Variants in VTI1A observed in about 807,000 individuals in gnomAD.
The protein encoded by VTI1A is vesicle transport through interaction with t-SNAREs homolog 1A.
A neutral mutation model predicts 34.9 loss-of-function variants in VTI1A; 22 were observed. That is an observed-to-expected ratio of 0.63 (90% confidence interval 0.45 to 0.90). The LOEUF (loss-of-function observed/expected upper bound fraction) is 0.90. Ranked by LOEUF, VTI1A falls within the 40% of genes least tolerant of loss-of-function variation. The pLI, the probability that VTI1A is intolerant of heterozygous loss-of-function variation, is 0.00. For synonymous variants in VTI1A, 87 were observed against 97.3 expected (o/e 0.89, Z 0.62); for missense variants, 268 against 275.6 (o/e 0.97, Z 0.20).
chr10:112,716,674 G>A (rs1849623568), intron 7 of VTI1A, among the ~76,000 whole-genome samples: 1 of 152,082 alleles, frequency 6.6e-6, no homozygotes, highest in South Asian at 2.1e-4. Flanking sequence ...CAAAATCCAA[G>A]TTTTTGAGCC....
intron 7 of VTI1A, among the ~76,000 whole-genome samples, chr10:112,781,235 G>A (rs1466849614): frequency 1.3e-5 from 2 of 152,090 alleles, no homozygotes; most frequent in East Asian, 2.0e-4. Context: ...ATGAGCCACC[G>A]CGCCCGGCCC....
At chr10:112,705,610 G>C (rs1849168886) in intron 7 of VTI1A, among the ~76,000 whole-genome samples, 1 of 152,190 alleles carries the variant, frequency 6.6e-6, no homozygotes, top group South Asian at 2.1e-4. Context: ...TTTTGCCCAG[G>C]CTCCTCCAGA....
chr10:112,713,461 GA>G (rs1268222304), intron 7 of VTI1A, among the ~76,000 whole-genome samples: 11 of 151,120 alleles, frequency 7.3e-5, no homozygotes, highest in Non-Finnish European at 1.6e-4. Context: ...ACCTATAAGG[GA>G]GGCATTATTA....
chr10:112,583,394 T>C (rs143584909), intron 5 of VTI1A, among the ~76,000 whole-genome samples: 1 of 152,362 alleles, frequency 6.6e-6, no homozygotes, highest in African/African-American at 2.4e-5. Flanking sequence ...ATCCGCTTTA[T>C]CAGGAATGCG....
intron 7 of VTI1A, among the ~76,000 whole-genome samples, chr10:112,813,255 A>G (rs140308286): frequency 6.6e-6 from 1 of 152,328 alleles, no homozygotes; most frequent in Non-Finnish European, 1.5e-5. Flanking sequence ...ATTTCTTACC[A>G]TGCCTCAGAT....
chr10:112,729,912 C>T (rs548401299), intron 7 of VTI1A, among the ~76,000 whole-genome samples: 9 of 152,248 alleles, frequency 5.9e-5, no homozygotes, highest in Non-Finnish European at 1.3e-4. Flanking sequence ...CCTCTTTGTG[C>T]GTAGCAAACC....
At chr10:112,612,495 T>G (rs1845357046) in intron 5 of VTI1A, among the ~76,000 whole-genome samples, 1 of 152,194 alleles carries the variant, frequency 6.6e-6, no homozygotes, top group African/African-American at 2.4e-5. Context: ...CATAACTCAC[T>G]GTAACTTTAA....
At chr10:112,528,155 A>T (rs1850303119) in intron 4 of VTI1A, among the ~76,000 whole-genome samples, 1 of 152,190 alleles carries the variant, frequency 6.6e-6, no homozygotes, top group East Asian at 1.9e-4. Context: ...TGAGTAAACC[A>T]AAATTTTAAT....
rs117804572 is a variant in VTI1A at position 112,538,005 on chromosome 10, G to A, written c.343-241G>A. ...TCAGTATTTTGAAGTAAGATTCATT[G>A]TGGCCACATACAACACGAGTCTCCT... On this transcript the variant is annotated intron_variant, in intron 4 of 7. Coordinates refer to ENST00000393077, the MANE Select transcript of VTI1A (RefSeq NM_145206.4). Among the ~76,000 whole-genome samples, 83 of 152,194 alleles carry A rather than the reference G, an allele frequency of 5.5e-4. 2 individuals carry two copies. In the East Asian group the frequency reaches 0.013, roughly 24 times the overall value.
chr10:112,847,534 T>A, the VTI1A span, among the ~76,000 whole-genome samples: 7 of 152,068 alleles, frequency 4.6e-5, no homozygotes, highest in Non-Finnish European at 1.0e-4. Flanking sequence ...GCAAGGAGGG[T>A]TGCCCTCTGA....
At chr10:112,530,616 A>G (rs1589867131) in intron 4 of VTI1A, among the ~76,000 whole-genome samples, 1 of 152,198 alleles carries the variant, frequency 6.6e-6, no homozygotes, top group African/African-American at 2.4e-5. Flanking sequence ...AAATATAAAG[A>G]GTAGACTATT....
intron 5 of VTI1A, among the ~76,000 whole-genome samples, chr10:112,611,546 T>C (rs1316803506): frequency 6.6e-6 from 1 of 152,144 alleles, no homozygotes; most frequent in African/African-American, 2.4e-5. Context: ...GGGAAGCTTG[T>C]TGAGTTCCTT....
At chr10:112,582,662 T>C (rs1843994807) in intron 5 of VTI1A, among the ~76,000 whole-genome samples, 1 of 152,204 alleles carries the variant, frequency 6.6e-6, no homozygotes, top group African/African-American at 2.4e-5. Flanking sequence ...TTAAATTTGT[T>C]ATGACCTAAC....
the VTI1A span, among the ~76,000 whole-genome samples, chr10:112,846,296 A>G: frequency 6.6e-6 from 1 of 152,206 alleles, no homozygotes; most frequent in Non-Finnish European, 1.5e-5. Context: ...TCTTACAGAA[A>G]TGGATACCTC....
At chr10:112,801,899 C>T (rs978975590) in intron 7 of VTI1A, among the ~76,000 whole-genome samples, 11 of 152,194 alleles carry the variant, frequency 7.2e-5, no homozygotes, top group Non-Finnish European at 1.3e-4. Context: ...TTACATTAGG[C>T]ACTAAGTGAA....
chr10:112,603,028 T>C (rs143205459), intron 5 of VTI1A, among the ~76,000 whole-genome samples: 7 of 152,378 alleles, frequency 4.6e-5, no homozygotes, highest in African/African-American at 1.7e-4. Flanking sequence ...TTGTTGTTAA[T>C]AATACTTTAT....
chr10:112,783,393 G>A (rs959165362), intron 7 of VTI1A, among the ~76,000 whole-genome samples: 3 of 98,360 alleles, frequency 3.1e-5, no homozygotes, highest in Admixed American at 1.1e-4. Context: ...GCATGCCCGC[G>A]TGCACGTGCA....
chr10:112,668,138 A>G (rs912022742), intron 5 of VTI1A, 80 bp from the exon 6 acceptor site: 1 of 1,150,854 alleles, frequency 8.7e-7, no homozygotes, highest in Non-Finnish European at 1.3e-6. Context: ...TTAACATTTT[A>G]TGCCATTTTA....
chr10:112,577,251 G>T (rs1843744033), intron 5 of VTI1A, among the ~76,000 whole-genome samples: 2 of 151,982 alleles, frequency 1.3e-5, no homozygotes, highest in South Asian at 2.1e-4. Context: ...TAGGGGTTAG[G>T]GCTTCAACGT....
Sources: allele counts gnomAD v4.1 joint callset (sites outside exome capture counted in the v4.1 genomes callset), GRCh38; gene constraint gnomAD v4.1.1; transcripts MANE v1.5; gene names NCBI Gene and HGNC (gene_info 2026-07-23, HGNC 2026-07-21).